Variants in FRMD4B observed in about 807,000 individuals in gnomAD.
The protein encoded by FRMD4B is FERM domain containing 4B.
In FRMD4B, 74 loss-of-function variants were observed where a neutral mutation model predicts 141.5. That is an observed-to-expected ratio of 0.52 (90% CI 0.43 to 0.63). The LOEUF is 0.63. FRMD4B is among the 30% of genes least tolerant of loss of function. The probability of loss-of-function intolerance (pLI) is 0.00; values close to 1 mark genes in which losing one functional copy is unlikely to be tolerated. For synonymous variants in FRMD4B, 506 were observed against 467.9 expected (o/e 1.08, Z -1.05); for missense variants, 1,366 against 1,253.4 (o/e 1.09, Z -1.36).
chr3:69,257,437 A>G (rs146289747), intron 5 of FRMD4B, among the ~76,000 whole-genome samples: 92 of 152,080 alleles, frequency 6.0e-4, no homozygotes, highest in African/African-American at 2.1e-3. Context: ...CTTTCTTTTT[A>G]CCTTAATGAC....
At chr3:69,248,619 TTAAC>T (rs2093440937) in intron 7 of FRMD4B, among the ~76,000 whole-genome samples, 1 of 152,310 alleles carries the variant, frequency 6.6e-6, no homozygotes, top group Non-Finnish European at 1.5e-5. Flanking sequence ...CCTCCACCCT[TTAAC>T]TGTTTCTCTA....
At chr3:69,402,442 A>G (rs1020179718) in intron 2 of FRMD4B, among the ~76,000 whole-genome samples, 2 of 152,232 alleles carry the variant, frequency 1.3e-5, no homozygotes, top group African/African-American at 4.8e-5. Context: ...CATATGAAAT[A>G]ATATCTTTCC....
At chr3:69,287,650 T>G (rs1444064294) in intron 5 of FRMD4B, 102 bp downstream of exon 5, 1 of 685,360 alleles carries the variant, frequency 1.5e-6, no homozygotes, top group Non-Finnish European at 2.6e-6. Context: ...TGGCCTTTTT[T>G]TTTTTCTTAG....
At chr3:69,369,160 C>T (rs1430144034) in intron 1 of FRMD4B, among the ~76,000 whole-genome samples, 2 of 152,158 alleles carry the variant, frequency 1.3e-5, no homozygotes, top group Non-Finnish European at 2.9e-5. Context: ...AAAGCGAAAG[C>T]TATCTTTAGT....
chr3:69,410,306 C>T (rs6802876), intron 2 of FRMD4B, among the ~76,000 whole-genome samples: 1 of 152,152 alleles, frequency 6.6e-6, no homozygotes, highest in Admixed American at 6.5e-5. Flanking sequence ...ACTACTGGCA[C>T]TCCTGTGCCT....
At chr3:69,328,003 G>T (rs1414266505) in intron 1 of FRMD4B, among the ~76,000 whole-genome samples, 1 of 152,140 alleles carries the variant, frequency 6.6e-6, no homozygotes, top group Non-Finnish European at 1.5e-5. Flanking sequence ...GAAGCCACAG[G>T]TCAGGAGAAC....
intron 1 of FRMD4B, among the ~76,000 whole-genome samples, chr3:69,341,236 C>A (rs77800616): frequency 1.3e-5 from 2 of 152,136 alleles, no homozygotes; most frequent in Non-Finnish European, 2.9e-5. Context: ...ACAGTTACCA[C>A]GAACAACCTC....
At chr3:69,483,372 T>C (rs910456097) in intron 1 of FRMD4B, among the ~76,000 whole-genome samples, 1 of 152,250 alleles carries the variant, frequency 6.6e-6, no homozygotes, top group African/African-American at 2.4e-5. Context: ...TATTTTCCCT[T>C]ATGAAGTGCT....
intron 7 of FRMD4B, among the ~76,000 whole-genome samples, chr3:69,245,830 ATTTGTTTTT>A (rs201632069): frequency 0.027 from 2,807 of 103,182 alleles, 91 homozygotes; most frequent in African/African-American, 0.099. Flanking sequence ...TGCCAGGCTA[ATTTGTTTTT>A]TTTTTTTTTT....
intron 5 of FRMD4B, among the ~76,000 whole-genome samples, chr3:69,273,509 A>T (rs2093604716): frequency 6.6e-6 from 1 of 152,228 alleles, no homozygotes; most frequent in Admixed American, 6.5e-5. Context: ...AACTCTGGAA[A>T]ATTGAATTTA....
At chr3:69,407,007 T>G (rs922569074) in intron 2 of FRMD4B, among the ~76,000 whole-genome samples, 1 of 150,524 alleles carries the variant, frequency 6.6e-6, no homozygotes, top group African/African-American at 2.5e-5. Context: ...GCCTCTGAAG[T>G]GCTGAGATTA....
At chr3:69,481,152 C>T (rs1230775183) in intron 1 of FRMD4B, among the ~76,000 whole-genome samples, 2 of 152,160 alleles carry the variant, frequency 1.3e-5, no homozygotes, top group African/African-American at 4.8e-5. Context: ...TCCCTGATCC[C>T]TTGCACTTCC....
At chr3:69,453,165 G>A (rs540209551) in intron 1 of FRMD4B, among the ~76,000 whole-genome samples, 2 of 152,342 alleles carry the variant, frequency 1.3e-5, no homozygotes, top group East Asian at 1.9e-4. Flanking sequence ...GGGAAGAGAT[G>A]AAGAGATGGG....
chr3:69,443,608 C>A lies in FRMD4B; in HGVS notation c.-128-10847G>T, dbSNP rs566676124. Among the ~76,000 whole-genome samples, 71 of 152,254 alleles carry A rather than the reference C, an allele frequency of 4.7e-4. 1 individual carries two copies. The highest frequency in any genetic ancestry group is 1.6e-3 in the African/African-American group (67 of 41,546). ...GGACTGAGCCCTTAACCTGTGAGGC[C>A]AAAACCACCTTTGCAAAATTATGAC... On this transcript the variant is annotated intron_variant, in intron 1 of 5. Coordinates refer to the FRMD4B transcript ENST00000459638.
chr3:69,425,350 G>A (rs575940980), intron 2 of FRMD4B, among the ~76,000 whole-genome samples: 1 of 152,292 alleles, frequency 6.6e-6, no homozygotes, highest in South Asian at 2.1e-4. Context: ...GGAACTTGCT[G>A]CTCATTAGTT....
At chr3:69,285,150 T>G (rs2107047005) in intron 5 of FRMD4B, among the ~76,000 whole-genome samples, 1 of 151,664 alleles carries the variant, frequency 6.6e-6, no homozygotes, top group South Asian at 2.1e-4. Context: ...GCAACAAGAG[T>G]GAGACTCTGT....
chr3:69,468,662 G>T (rs904982109), intron 1 of FRMD4B, among the ~76,000 whole-genome samples: 12 of 152,194 alleles, frequency 7.9e-5, no homozygotes, highest in African/African-American at 2.9e-4. Context: ...TATCCTGTCT[G>T]GATGTGATGC....
At chr3:69,315,736 A>G (rs576203991) in intron 1 of FRMD4B, among the ~76,000 whole-genome samples, 46 of 152,350 alleles carry the variant, frequency 3.0e-4, no homozygotes, top group African/African-American at 1.1e-3. Context: ...GTTGTTTCCA[A>G]TCTTTTGCTA....
At chr3:69,346,441 G>T (rs1702945525) in intron 1 of FRMD4B, among the ~76,000 whole-genome samples, 1 of 152,110 alleles carries the variant, frequency 6.6e-6, no homozygotes, top group Non-Finnish European at 1.5e-5. Context: ...CCCCAACCTA[G>T]CAGGGCAGGC....
Sources: gnomAD v4.1 joint callset for allele counts (sites outside exome capture counted in the v4.1 genomes callset) on GRCh38, gnomAD v4.1.1 for gene constraint, MANE v1.5 for transcripts, NCBI Gene and HGNC (gene_info 2026-07-23, HGNC 2026-07-21) for gene names.